PCDHA9: variants seen among roughly 807,000 people sequenced by gnomAD.
PCDHA9 encodes the protein protocadherin alpha-9.
Under a neutral mutation model 62.0 loss-of-function variants are expected in PCDHA9, and 62 were observed. The observed-to-expected ratio is 1.00, with a 90% CI of 0.81 to 1.23. PCDHA9 has a LOEUF of 1.23. PCDHA9 is among the 50% of genes most tolerant of loss of function. PCDHA9 has a pLI of 0.00. For synonymous variants in PCDHA9, 557 were observed against 567.6 expected (o/e 0.98, Z 0.27); for missense variants, 1,205 against 1,249.8 (o/e 0.96, Z 0.54).
At chr5:140,915,581 A>G (rs1563006188) in intron 1 of PCDHA9, among the ~76,000 whole-genome samples, 1 of 151,994 alleles carries the variant, frequency 6.6e-6, no homozygotes, top group Non-Finnish European at 1.5e-5. Flanking sequence ...GCCAGGCAAA[A>G]GCACTTGTTC....
intron 1 of PCDHA9, chr5:140,858,429 C>G (rs1554151596): frequency 6.5e-7 from 1 of 1,548,730 alleles, no homozygotes; most frequent in African/African-American, 1.4e-5. Flanking sequence ...GGGGACCACT[C>G]TAGGAAGGTG....
chr5:140,931,659 G>A (rs1554208521), intron 1 of PCDHA9, among the ~76,000 whole-genome samples: 1 of 151,694 alleles, frequency 6.6e-6, no homozygotes, highest in Non-Finnish European at 1.5e-5. Flanking sequence ...GTTGTGGGCT[G>A]GATATTTCCT....
intron 1 of PCDHA9, among the ~76,000 whole-genome samples, chr5:140,889,648 A>G (rs1414947366): frequency 6.6e-6 from 1 of 152,094 alleles, no homozygotes; most frequent in African/African-American, 2.4e-5. Flanking sequence ...TGTTTGCAGG[A>G]GATGTCCTCT....
chr5:140,851,882 G>A lies in PCDHA9; in HGVS notation c.2394+993G>A. ...CATACATAACACAAGGCAGAAATCT[G>A]GATATGAGATTTGCCTCTTTAATGT... On this transcript the variant is annotated intron_variant, in intron 1 of 3. Transcript: ENST00000532602. The A allele has an allele frequency of 2.0e-6, 2 of 976,778 alleles. 1 individual carries two copies. Among genetic ancestry groups the A allele is most frequent in the Non-Finnish European group, 2.5e-6 (2 of 809,414 alleles). The allele number at this position is 976,778 out of a possible 1,614,324, so 60.5% of individuals were successfully genotyped here. A position where few individuals can be genotyped will look rare whatever the true frequency, so the allele number is the denominator to read the frequency against.
intron 1 of PCDHA9, among the ~76,000 whole-genome samples, chr5:140,938,975 C>T (rs1249900927): frequency 6.6e-6 from 1 of 152,188 alleles, no homozygotes; most frequent in African/African-American, 2.4e-5. Flanking sequence ...GGCATCAAGG[C>T]TATCCTGGCT....
chr5:140,856,296 T>G, intron 1 of PCDHA9: 1 of 1,598,576 alleles, frequency 6.3e-7, no homozygotes, highest in Non-Finnish European at 8.6e-7. Flanking sequence ...AATGGCATTT[T>G]GTTTGTGAAT....
chr5:140,852,335 T>C (rs2042302607), intron 1 of PCDHA9: 1 of 256,936 alleles, frequency 3.9e-6, no homozygotes. Context: ...TGGAGTACAG[T>C]GGCATGATCT....
Position 141,009,792 on chromosome 5 carries a change from C to T in PCDHA9, c.2708C>T (p.Pro903Leu). Residue 903 changes from proline (P) to leucine (L), a missense_variant, in exon 4 of 4, where the codon CCT (proline) becomes CTT (leucine). Physicochemically the swap from Pro to Leu is moderately conservative, Grantham distance 98. Transcript: ENST00000532602. ...GCAATCATCTCCATCCGGCAGGAGC[C>T]TACTAACAGCCAAATTGACAAAAGT... ...SPAIISIRQEPTNSQIDKSDF... is the reference protein window; with the variant it reads ...SPAIISIRQELTNSQIDKSDF... 1 of 1,614,068 alleles carries T rather than the reference C, an allele frequency of 6.2e-7. No individual in the cohort carries two copies. The highest frequency in any genetic ancestry group is 8.5e-7 in the Non-Finnish European group (1 of 1,180,026).
chr5:140,942,680 A>C (rs2093354394), intron 1 of PCDHA9, among the ~76,000 whole-genome samples: 1 of 152,218 alleles, frequency 6.6e-6, no homozygotes, highest in African/African-American at 2.4e-5. Context: ...AAGTTTTAGG[A>C]ATAACTTTAA....
At chr5:140,978,424 TCA>T (rs2096801674) in intron 1 of PCDHA9, among the ~76,000 whole-genome samples, 1 of 152,238 alleles carries the variant, frequency 6.6e-6, no homozygotes, top group Non-Finnish European at 1.5e-5. Flanking sequence ...GAGACTGTTA[TCA>T]GTTGCTGGTG....
intron 1 of PCDHA9, chr5:140,883,268 T>G: frequency 6.2e-7 from 1 of 1,614,030 alleles, no homozygotes; most frequent in Non-Finnish European, 8.5e-7. Flanking sequence ...GGCGGGTCAT[T>G]GTACCCTTTT....
chr5:140,860,328 C>G (rs971322066), intron 1 of PCDHA9: 8 of 151,880 alleles, frequency 5.3e-5, no homozygotes, highest in Non-Finnish European at 1.0e-4. Context: ...CTGCAGTGAC[C>G]CATGATTGTG....
Position 140,870,844 on chromosome 5 carries a change from C to T in PCDHA9, c.2394+19955C>T. The T allele has an allele frequency of 3.1e-6, 5 of 1,613,832 alleles. No homozygotes were observed. The highest frequency in any genetic ancestry group is 4.2e-6 in the Non-Finnish European group (5 of 1,179,882). ...GGGAGGCGCAGTTAACAAGCTAGTA[C>T]CGCGGTCGGTGGGTGCGGGCCACGT... On this transcript the variant is annotated intron_variant, in intron 1 of 3. Transcript: ENST00000532602.
intron 1 of PCDHA9, among the ~76,000 whole-genome samples, chr5:140,910,320 A>G (rs1362740704): frequency 1.3e-5 from 2 of 152,212 alleles, no homozygotes; most frequent in African/African-American, 4.8e-5. Flanking sequence ...CATGAGTCAG[A>G]CTATTGTGAT....
intron 1 of PCDHA9, chr5:140,930,231 A>C (rs1234850185): frequency 6.6e-6 from 1 of 152,238 alleles, no homozygotes; most frequent in South Asian, 2.1e-4. Context: ...TGCACTTACC[A>C]TCCAAAGTCC....
chr5:140,983,228 A>G (rs1012242202), intron 3 of PCDHA9, among the ~76,000 whole-genome samples: 1 of 152,240 alleles, frequency 6.6e-6, no homozygotes, highest in South Asian at 2.1e-4. Flanking sequence ...CCAAACTTTC[A>G]GGAAAGAGAA....
intron 1 of PCDHA9, among the ~76,000 whole-genome samples, chr5:140,964,925 T>C (rs1586044682): frequency 6.6e-6 from 1 of 152,148 alleles, no homozygotes; most frequent in African/African-American, 2.4e-5. Flanking sequence ...ACTGGCTAGG[T>C]AGTGGAGCAT....
At chr5:140,881,650 T>C (rs508730) in intron 1 of PCDHA9, among the ~76,000 whole-genome samples, 2,267 of 152,332 alleles carry the variant, frequency 0.015, 53 homozygotes, top group African/African-American at 0.052. Flanking sequence ...ATTTTTCACC[T>C]TCACCGATTT....
At chr5:141,004,168 C>T (rs2098156227) in intron 3 of PCDHA9, among the ~76,000 whole-genome samples, 1 of 152,226 alleles carries the variant, frequency 6.6e-6, no homozygotes, top group Admixed American at 6.5e-5. Context: ...GCAAAGCCAG[C>T]CAAGTGTCTT....
Sources: gnomAD v4.1 joint callset for allele counts (sites outside exome capture counted in the v4.1 genomes callset) on GRCh38, gnomAD v4.1.1 for gene constraint, MANE v1.5 for transcripts, NCBI Gene and HGNC (gene_info 2026-07-23, HGNC 2026-07-21) for gene names.